The following DACH1 variants were observed in gnomAD, a reference collection of about 807,000 sequenced individuals.
DACH1 encodes dachshund homolog 1.
Under a neutral mutation model 54.2 loss-of-function variants are expected in DACH1, and 12 were observed. The ratio of observed to expected loss-of-function variants is 0.22; its 90% CI spans 0.14 to 0.36. The LOEUF is 0.36. DACH1 is among the 10% of genes least tolerant of loss of function. The probability of loss-of-function intolerance (pLI) is 1.00; values close to 1 mark genes in which losing one functional copy is unlikely to be tolerated. For missense variants in DACH1, 805 were observed against 929.8 expected (o/e 0.87, Z 1.75); for synonymous variants, 386 against 366.2 (o/e 1.05, Z -0.62).
chr13:71,800,513 C>A (rs760198637), intron 1 of DACH1, among the ~76,000 whole-genome samples: 5 of 152,010 alleles, frequency 3.3e-5, no homozygotes, highest in Non-Finnish European at 7.4e-5. Flanking sequence ...AACATTTGCT[C>A]TTTTACAACA....
chr13:71,692,506 C>CTTTTTTTTTTTTTTTTTTT (rs398023338), intron 1 of DACH1, among the ~76,000 whole-genome samples: 7 of 44,438 alleles, frequency 1.6e-4, no homozygotes, highest in East Asian at 1.2e-3. Context: ...CTTTTCTTTC[C>CTTTTTTTTTTTTTTTTTTT]TTTTTTTTTT....
intron 6 of DACH1, among the ~76,000 whole-genome samples, chr13:71,539,003 T>C (rs1047619531): frequency 6.6e-6 from 1 of 152,076 alleles, no homozygotes; most frequent in Non-Finnish European, 1.5e-5. Context: ...CACAGTTCCT[T>C]ATATTTTATT....
At chr13:71,734,138 ATATATATGTATAT>A in intron 1 of DACH1, among the ~76,000 whole-genome samples, 1 of 149,112 alleles carries the variant, frequency 6.7e-6, no homozygotes, top group African/African-American at 2.5e-5. Flanking sequence ...TATATACCCC[ATATATATGTATAT>A]CCCATATACG....
Position 71,752,238 on chromosome 13 carries a change from A to T in DACH1, c.849-70328T>A, listed in dbSNP as rs1351713656. Among the ~76,000 whole-genome samples the T allele has an allele frequency of 2.0e-5, 3 of 152,302 alleles. No homozygotes were observed. In the East Asian group the frequency reaches 5.8e-4, roughly 29 times the overall value. On this transcript the variant is annotated intron_variant, in intron 1 of 10. Transcript: ENST00000613252. ...ATTACAGTGCATGCTGTGAATGTGT[A>T]TTAACAATAGTGCACAATCGTACAT...
At chr13:71,768,604 T>C (rs928086538) in intron 1 of DACH1, among the ~76,000 whole-genome samples, 3 of 151,988 alleles carry the variant, frequency 2.0e-5, no homozygotes, top group African/African-American at 7.2e-5. Flanking sequence ...GTGAGCTTCA[T>C]GGATGACATA....
At chr13:71,861,826 G>A (rs187974961) in intron 1 of DACH1, among the ~76,000 whole-genome samples, 171 of 144,340 alleles carry the variant, frequency 1.2e-3, no homozygotes, top group Non-Finnish European at 2.0e-3. Flanking sequence ...ATAAGTCTGT[G>A]TCATTGAAAA....
chr13:71,795,206 T>G (rs1362384106), intron 1 of DACH1, among the ~76,000 whole-genome samples: 1 of 152,174 alleles, frequency 6.6e-6, no homozygotes, highest in African/African-American at 2.4e-5. Flanking sequence ...TGTTTGTTTG[T>G]TTTTTAAGCT....
chr13:71,530,311 C>G (rs1370944431), intron 6 of DACH1, among the ~76,000 whole-genome samples: 1 of 152,162 alleles, frequency 6.6e-6, no homozygotes, highest in African/African-American at 2.4e-5. Flanking sequence ...AGCATGTTTT[C>G]ATAATTGTTC....
intron 1 of DACH1, among the ~76,000 whole-genome samples, chr13:71,865,527 G>T (rs1417002731): frequency 6.6e-6 from 1 of 152,148 alleles, no homozygotes; most frequent in Non-Finnish European, 1.5e-5. Flanking sequence ...CCTGGGGAGC[G>T]CACGAACGCG....
chr13:71,653,830 G>GA (rs1878853748), intron 2 of DACH1, among the ~76,000 whole-genome samples: 3 of 151,948 alleles, frequency 2.0e-5, no homozygotes, highest in African/African-American at 7.2e-5. Context: ...CAGAAAATAT[G>GA]AAAAGAATCA....
intron 6 of DACH1, among the ~76,000 whole-genome samples, chr13:71,543,024 G>T (rs1189893384): frequency 6.6e-6 from 1 of 152,118 alleles, no homozygotes; most frequent in African/African-American, 2.4e-5. Context: ...TTGAGGAACT[G>T]AAATTAATGG....
At chr13:71,452,952 C>T (rs1875208132) in intron 10 of DACH1, among the ~76,000 whole-genome samples, 1 of 152,090 alleles carries the variant, frequency 6.6e-6, no homozygotes, top group South Asian at 2.1e-4. Flanking sequence ...AGAGCACATG[C>T]CCTCTTTAAA....
chr13:71,714,435 T>C (rs886794452), intron 1 of DACH1, among the ~76,000 whole-genome samples: 1 of 152,102 alleles, frequency 6.6e-6, no homozygotes, highest in Non-Finnish European at 1.5e-5. Flanking sequence ...AGAATCCTTT[T>C]CGAAAAGTAT....
Position 71,866,611 on chromosome 13 carries a change from A to C in DACH1, c.159T>G (p.Thr53=). The part of the protein sequence containing the change: ...SIGPPASSGP[T]LFRPEPIASA... ...AAGCGATGGGCTCCGGGCGGAACAG[A>C]GTTGGCCCAGAGGACGCCGGGGGTC... Residue 53 remains threonine (T), a synonymous_variant, in exon 1 of 11, where the codon ACT becomes ACG. Transcript: ENST00000613252. The C allele has an allele frequency of 7.3e-6, 10 of 1,365,084 alleles. No homozygotes were observed. The highest frequency in any genetic ancestry group is 9.5e-6 in the Non-Finnish European group (10 of 1,053,286). 84.6% of individuals were successfully genotyped at this position (1,365,084 alleles called of 1,614,324 possible).
intron 6 of DACH1, among the ~76,000 whole-genome samples, chr13:71,552,787 AT>A (rs1189446177): frequency 3.3e-5 from 2 of 60,386 alleles, no homozygotes; most frequent in African/African-American, 6.5e-5. Flanking sequence ...ATATATATGG[AT>A]GTGAATATAT....
intron 1 of DACH1, among the ~76,000 whole-genome samples, chr13:71,710,351 G>C (rs766206844): frequency 2.6e-5 from 4 of 151,932 alleles, no homozygotes; most frequent in Non-Finnish European, 5.9e-5. Context: ...CACGCAAATT[G>C]GACCATTGAG....
intron 1 of DACH1, among the ~76,000 whole-genome samples, chr13:71,800,784 C>T (rs897332628): frequency 2.6e-5 from 4 of 151,854 alleles, no homozygotes; most frequent in South Asian, 2.1e-4. Flanking sequence ...TAGGATTCAG[C>T]GGCTAATTTG....
At chr13:71,613,934 G>A (rs1358777904) in intron 3 of DACH1, among the ~76,000 whole-genome samples, 1 of 151,944 alleles carries the variant, frequency 6.6e-6, no homozygotes, top group Non-Finnish European at 1.5e-5. Flanking sequence ...CTGGGCTCCT[G>A]CCTTGGCTTC....
At chr13:71,578,884 C>A (rs1428906449) in intron 3 of DACH1, among the ~76,000 whole-genome samples, 2 of 152,010 alleles carry the variant, frequency 1.3e-5, no homozygotes, top group Non-Finnish European at 2.9e-5. Context: ...TTTCATGTAA[C>A]CAATTCTGCT....
Sources: gnomAD v4.1 joint callset for allele counts (sites outside exome capture counted in the v4.1 genomes callset) on GRCh38, gnomAD v4.1.1 for gene constraint, MANE v1.5 for transcripts, NCBI Gene and HGNC (gene_info 2026-07-23, HGNC 2026-07-21) for gene names.